ATXN1: variants seen among roughly 807,000 people sequenced by gnomAD.
ATXN1 encodes the protein ataxin-1.
In ATXN1, 8 loss-of-function variants were observed where a neutral mutation model predicts 56.4. That is an observed-to-expected ratio of 0.14 (90% CI 0.08 to 0.26). The LOEUF (loss-of-function observed/expected upper bound fraction) is 0.26. Among genes scored for constraint, ATXN1 ranks in the 10% least tolerant of loss-of-function variants. ATXN1 has a pLI of 1.00. For missense variants in ATXN1, 987 were observed against 1,106.5 expected (o/e 0.89, Z 1.53); for synonymous variants, 514 against 494.6 (o/e 1.04, Z -0.52).
At chr6:16,469,381 T>C (rs1760172516) in intron 6 of ATXN1, among the ~76,000 whole-genome samples, 1 of 152,232 alleles carries the variant, frequency 6.6e-6, no homozygotes, top group African/African-American at 2.4e-5. Flanking sequence ...GCTTCTAAGA[T>C]AGGATCTAAT....
In ATXN1 at chr6:16,613,271, C is replaced by CAAAA. The variant is rs765813165; in HGVS notation, c.-488-27368_-488-27365dup. On this transcript the variant is annotated intron_variant, in intron 3 of 7. Transcript: ENST00000436367. Reference sequence around the variant, plus strand: ...TGGGCGACAGAGCGAGACTCCGTCTCAAAAAAAAAAAAAAAAAAAAAAAAT... The same window carrying CAAAA: ...TGGGCGACAGAGCGAGACTCCGTCTCAAAAAAAAAAAAAAAAAAAAAAAAAAAAT... Among the ~76,000 whole-genome samples, 8 of 52,486 alleles carry CAAAA rather than the reference C, an allele frequency of 1.5e-4. 1 individual carries two copies. Among genetic ancestry groups the CAAAA allele is most frequent in the African/African-American group, 4.6e-4 (7 of 15,384 alleles). The allele number at this position is 52,486 out of a possible 152,430, so 34.4% of individuals were successfully genotyped here.
intron 6 of ATXN1, among the ~76,000 whole-genome samples, chr6:16,394,807 A>G (rs1005499077): frequency 2.0e-5 from 3 of 152,190 alleles, no homozygotes; most frequent in African/African-American, 7.2e-5. Flanking sequence ...ACAGAAATAA[A>G]AATCCATTTA....
chr6:16,447,689 G>A (rs1759663618), intron 6 of ATXN1, among the ~76,000 whole-genome samples: 1 of 152,136 alleles, frequency 6.6e-6, no homozygotes, highest in Non-Finnish European at 1.5e-5. Flanking sequence ...AAAAATAGGA[G>A]AGCAGAAAGG....
At chr6:16,564,313 G>A (rs1435269343) in intron 4 of ATXN1, among the ~76,000 whole-genome samples, 2 of 150,924 alleles carry the variant, frequency 1.3e-5, no homozygotes, top group African/African-American at 2.4e-5. Context: ...TGTGTAAAAT[G>A]AAAAAAAAAT....
At chr6:16,729,181 G>T (rs1370107589) in intron 2 of ATXN1, among the ~76,000 whole-genome samples, 2 of 152,296 alleles carry the variant, frequency 1.3e-5, no homozygotes, top group East Asian at 3.9e-4. Flanking sequence ...GCAGAACCAG[G>T]ATTAAAAATT....
At chr6:16,366,445 G>A (rs1170165640) in intron 6 of ATXN1, among the ~76,000 whole-genome samples, 1 of 152,056 alleles carries the variant, frequency 6.6e-6, no homozygotes, top group Non-Finnish European at 1.5e-5. Flanking sequence ...TTTGTTAGTT[G>A]ATCAAGAATC....
intron 5 of ATXN1, among the ~76,000 whole-genome samples, chr6:16,492,011 T>A (rs1760675268): frequency 6.6e-6 from 1 of 152,120 alleles, no homozygotes; most frequent in African/African-American, 2.4e-5. Flanking sequence ...AAAAACCATG[T>A]GAGCTTGAAA....
At chr6:16,323,248 C>T (rs1760719155) in intron 7 of ATXN1, among the ~76,000 whole-genome samples, 1 of 152,188 alleles carries the variant, frequency 6.6e-6, no homozygotes, top group African/African-American at 2.4e-5. Context: ...GGGCTGGGCG[C>T]AGTGGCTCAC....
intron 6 of ATXN1, among the ~76,000 whole-genome samples, chr6:16,367,893 G>C (rs1225094776): frequency 1.3e-5 from 2 of 152,144 alleles, no homozygotes; most frequent in Non-Finnish European, 2.9e-5. Context: ...TAATGTTAAA[G>C]GCTAGAGCTA....
intron 6 of ATXN1, among the ~76,000 whole-genome samples, chr6:16,404,689 C>T (rs1352518525): frequency 6.1e-5 from 8 of 132,008 alleles, no homozygotes; most frequent in Admixed American, 1.4e-4. Context: ...CACATGCACG[C>T]GCACTCGCGC....
At chr6:16,647,885 G>A (rs887036357) in intron 3 of ATXN1, among the ~76,000 whole-genome samples, 2 of 152,136 alleles carry the variant, frequency 1.3e-5, no homozygotes, top group Admixed American at 6.5e-5. Flanking sequence ...AGGCCATCCT[G>A]GCCAATACGG....
At chr6:16,316,081 A>G (rs902975708) in intron 7 of ATXN1, among the ~76,000 whole-genome samples, 3 of 152,186 alleles carry the variant, frequency 2.0e-5, no homozygotes, top group African/African-American at 7.2e-5. Flanking sequence ...GAGGTGAGCA[A>G]CCATTCCAGA....
chr6:16,594,486 T>TA (rs939626554), intron 3 of ATXN1, among the ~76,000 whole-genome samples: 5 of 150,114 alleles, frequency 3.3e-5, no homozygotes, highest in African/African-American at 1.2e-4. Flanking sequence ...TTTTTTTTTT[T>TA]ATTTATTTAT....
chr6:16,446,403 T>A (rs1561899211), intron 6 of ATXN1, among the ~76,000 whole-genome samples: 1 of 152,218 alleles, frequency 6.6e-6, no homozygotes, highest in Non-Finnish European at 1.5e-5. Context: ...GCAGTGTTTC[T>A]CAAATGTGGT....
intron 6 of ATXN1, among the ~76,000 whole-genome samples, chr6:16,342,179 G>C (rs527357752): frequency 6.6e-6 from 1 of 151,944 alleles, no homozygotes; most frequent in East Asian, 1.9e-4. Context: ...CACTGAGCCC[G>C]GCCTGTCTCA....
intron 5 of ATXN1, among the ~76,000 whole-genome samples, chr6:16,498,064 C>A (rs531414164): frequency 9.2e-5 from 14 of 152,196 alleles, no homozygotes; most frequent in Non-Finnish European, 1.3e-4. Flanking sequence ...TTACTCCATC[C>A]ACATGTTGAA....
At chr6:16,362,304 G>C (rs1761825435) in intron 6 of ATXN1, among the ~76,000 whole-genome samples, 1 of 152,154 alleles carries the variant, frequency 6.6e-6, no homozygotes, top group South Asian at 2.1e-4. Context: ...CTTAACACAA[G>C]AAGCTTAAAA....
intron 6 of ATXN1, among the ~76,000 whole-genome samples, chr6:16,409,024 C>T (rs528750837): frequency 1.3e-5 from 2 of 152,188 alleles, no homozygotes; most frequent in African/African-American, 4.8e-5. Context: ...AAGGTTTAGT[C>T]AATCAAATGG....
chr6:16,515,514 T>A (rs570714386), intron 5 of ATXN1, among the ~76,000 whole-genome samples: 1 of 152,282 alleles, frequency 6.6e-6, no homozygotes, highest in Admixed American at 6.5e-5. Flanking sequence ...AGGTTTCTCT[T>A]CACCACATAA....
Sources: allele counts gnomAD v4.1 joint callset (sites outside exome capture counted in the v4.1 genomes callset), GRCh38; gene constraint gnomAD v4.1.1; transcripts MANE v1.5; gene names NCBI Gene and HGNC (gene_info 2026-07-23, HGNC 2026-07-21).